The following WDR88 variants were observed in gnomAD, a reference collection of about 807,000 sequenced individuals.
The protein encoded by WDR88 is WD repeat domain 88.
A neutral mutation model predicts 46.8 loss-of-function variants in WDR88; 40 were observed. The ratio of observed to expected loss-of-function variants is 0.86; its 90% confidence interval spans 0.66 to 1.11. WDR88 has a LOEUF of 1.11. WDR88 is among the 50% of genes most tolerant of loss of function. The probability of loss-of-function intolerance (pLI) is 0.00; values close to 1 mark genes in which losing one functional copy is unlikely to be tolerated. For synonymous variants in WDR88, 235 were observed against 240.7 expected, an observed-to-expected ratio of 0.98 and a Z score of 0.22; for missense variants, 562 against 602.4, an observed-to-expected ratio of 0.93 and a Z score of 0.70.
chr19:33,173,265 C>T (rs947867478), intron 10 of WDR88, among the ~76,000 whole-genome samples: 2 of 152,032 alleles, frequency 1.3e-5, no homozygotes, highest in African/African-American at 4.8e-5. Flanking sequence ...GAGGAATGGC[C>T]GGGTACACAG....
chr19:33,132,376 G>C lies in WDR88; in HGVS notation c.207G>C (p.Pro69=). Residue 69 remains proline (P), a synonymous_variant, in exon 1 of 11, where the codon CCG becomes CCC. Coordinates refer to ENST00000355868, the MANE Select transcript of WDR88 (RefSeq NM_173479.4). Reference sequence around the variant, plus strand: ...TGGCCTTGGACAGGGAACCACCACCGCATCTGTTGCCTGAGAAGCACCAGG... The same window carrying C: ...TGGCCTTGGACAGGGAACCACCACCCCATCTGTTGCCTGAGAAGCACCAGG... ...DPLALDREPP[P]HLLPEKHQVP... The C allele has an allele frequency of 5.0e-6, 8 of 1,614,078 alleles. No homozygotes were observed. Among genetic ancestry groups the C allele is most frequent in the Non-Finnish European group, 5.9e-6 (7 of 1,180,020 alleles).
At chr19:33,142,167 C>T (rs925447385) in intron 2 of WDR88, among the ~76,000 whole-genome samples, 1 of 151,672 alleles carries the variant, frequency 6.6e-6, no homozygotes, top group African/African-American at 2.4e-5. Flanking sequence ...GGACATGGAG[C>T]GCATGGTGGG....
At chr19:33,139,813 T>TACAC (rs111934254) in intron 2 of WDR88, among the ~76,000 whole-genome samples, 36 of 150,524 alleles carry the variant, frequency 2.4e-4, no homozygotes, top group Non-Finnish European at 3.4e-4. Flanking sequence ...AAAATATGCA[T>TACAC]ACACACACAC....
chr19:33,145,059 C>T, intron 3 of WDR88, 127 bp downstream of exon 3: 1 of 890,796 alleles, frequency 1.1e-6, no homozygotes, highest in Admixed American at 2.1e-5. Flanking sequence ...GTGGCCTAAG[C>T]TGGTCTCGAA....
At chr19:33,155,711 G>T (rs991166553) in intron 6 of WDR88, among the ~76,000 whole-genome samples, 3 of 152,214 alleles carry the variant, frequency 2.0e-5, no homozygotes, top group African/African-American at 4.8e-5. Flanking sequence ...GACACCAGCT[G>T]CTTTTCCCTC....
intron 2 of WDR88, among the ~76,000 whole-genome samples, chr19:33,140,051 C>CT (rs1242204103): frequency 1.3e-5 from 2 of 152,198 alleles, no homozygotes; most frequent in African/African-American, 4.8e-5. Flanking sequence ...TCCTTATGGA[C>CT]ACCTGGCCCA....
Position 33,132,148 on chromosome 19 carries a change from C to T in WDR88, c.-22C>T. On this transcript the variant is annotated 5_prime_UTR_variant, in exon 1 of 11. Transcript: ENST00000355868. ...GTTCCCATCCAGGCTTGTCGGCGGC[C>T]ACCGGCGGACCGGGCTTCGAGATGG... The T allele has an allele frequency of 6.4e-7, 1 of 1,568,922 alleles. No homozygotes were observed. Among genetic ancestry groups the T allele is most frequent in the Non-Finnish European group, 8.6e-7 (1 of 1,161,554 alleles).
chr19:33,169,870 A>AT (rs1555727526), intron 9 of WDR88, among the ~76,000 whole-genome samples: 13 of 152,060 alleles, frequency 8.5e-5, no homozygotes, highest in Middle Eastern at 3.4e-3. Flanking sequence ...TGCATTATTT[A>AT]TTTATTTTAT....
At chr19:33,153,927 G>T (rs1252909743) in intron 6 of WDR88, among the ~76,000 whole-genome samples, 2 of 152,162 alleles carry the variant, frequency 1.3e-5, no homozygotes, top group Non-Finnish European at 2.9e-5. Context: ...TCTGGGTGTA[G>T]ATTTCTTTGG....
At chr19:33,139,529 C>A (rs897427708) in intron 2 of WDR88, among the ~76,000 whole-genome samples, 2 of 152,142 alleles carry the variant, frequency 1.3e-5, no homozygotes, top group African/African-American at 2.4e-5. Context: ...GATAGCCCCT[C>A]ACCCTACAGA....
At chr19:33,149,557 C>T (rs778095070) in intron 5 of WDR88, among the ~76,000 whole-genome samples, 3 of 152,052 alleles carry the variant, frequency 2.0e-5, no homozygotes, top group Non-Finnish European at 2.9e-5. Context: ...GCTATGTTGC[C>T]CAGGCTGATG....
intron 4 of WDR88, among the ~76,000 whole-genome samples, chr19:33,148,185 C>G (rs536663500): frequency 6.6e-6 from 1 of 152,010 alleles, no homozygotes; most frequent in African/African-American, 2.4e-5. Context: ...ACTCTCCGTC[C>G]ATCCCACAGG....
intron 9 of WDR88, among the ~76,000 whole-genome samples, chr19:33,168,273 G>T (rs367880021): frequency 2.7e-5 from 4 of 150,628 alleles, no homozygotes; most frequent in African/African-American, 9.8e-5. Context: ...TGATCCACCC[G>T]CCTCGGCCTC....
chr19:33,174,388 C>T (rs4805857), intron 10 of WDR88: 161,817 of 1,407,228 alleles, frequency 0.11, 12,323 homozygotes, highest in Admixed American at 0.31. Context: ...GGCAGGGGCG[C>T]GGCCACCTTG....
chr19:33,174,568 G>A (rs931372974), intron 10 of WDR88: 2 of 983,740 alleles, frequency 2.0e-6, no homozygotes, highest in African/African-American at 3.5e-5. Context: ...CCAGAAACAG[G>A]CTCAGGGACG....
Position 33,137,707 on chromosome 19 carries a change from C to T in WDR88, c.307C>T (p.His103Tyr), listed in dbSNP as rs931699319. The part of the protein sequence containing the change: ...IPFKILSGHE[H>Y]AVSTCHFCVD... ...ATTTAAAATTCTGAGTGGGCACGAG[C>T]ACGCTGTGAGCACCTGCCACTTCTG... The change falls in exon 2 of 11, where the codon CAC becomes TAC. Residue 103 changes from histidine to tyrosine, a missense_variant. By Grantham distance (83) the His-to-Tyr change is moderately conservative. Transcript: ENST00000355868. The T allele has an allele frequency of 1.9e-6, 3 of 1,614,046 alleles. No individual in the cohort carries two copies. Among genetic ancestry groups the T allele is most frequent in the African/African-American group, 1.3e-5 (1 of 75,064 alleles).
At chr19:33,142,459 G>A (rs1471915141) in intron 2 of WDR88, among the ~76,000 whole-genome samples, 1 of 152,030 alleles carries the variant, frequency 6.6e-6, no homozygotes, top group African/African-American at 2.4e-5. Context: ...CCTGGGACAT[G>A]GAGAAGGACG....
chr19:33,169,762 T>C (rs982453504), intron 9 of WDR88, among the ~76,000 whole-genome samples: 1 of 152,074 alleles, frequency 6.6e-6, no homozygotes, highest in Admixed American at 6.6e-5. Flanking sequence ...AAGTGTTCAA[T>C]GTACTAAATC....
chr19:33,143,345 A>G (rs1327746993), intron 2 of WDR88, among the ~76,000 whole-genome samples: 1 of 148,302 alleles, frequency 6.7e-6, no homozygotes, highest in African/African-American at 2.5e-5. Flanking sequence ...GTCAAAAAAA[A>G]AAAAAAAAAA....
Sources: allele counts gnomAD v4.1 joint callset (sites outside exome capture counted in the v4.1 genomes callset), GRCh38; gene constraint gnomAD v4.1.1; transcripts MANE v1.5; gene names NCBI Gene and HGNC (gene_info 2026-07-23, HGNC 2026-07-21).